The following MZT2A variants were observed in gnomAD, a reference collection of about 807,000 sequenced individuals.
MZT2A encodes mitotic-spindle organizing protein 2A.
Under a neutral mutation model 12.4 loss-of-function variants are expected in MZT2A, and 8 were observed. That is an observed-to-expected ratio of 0.64 (90% CI 0.38 to 1.16). The LOEUF (loss-of-function observed/expected upper bound fraction) is 1.16, where lower values mean the gene tolerates loss of function less well. Among genes scored for constraint, MZT2A ranks in the 50% most tolerant of loss-of-function variants. MZT2A has a pLI of 0.01. For missense variants in MZT2A, 181 were observed against 223.6 expected (o/e 0.81, Z 1.22); for synonymous variants, 88 against 107.5 (o/e 0.82, Z 1.12).
downstream of MZT2A, among the ~76,000 whole-genome samples, chr2:131,482,131 C>G (rs1267568772): frequency 6.6e-6 from 1 of 152,148 alleles, no homozygotes; most frequent in Non-Finnish European, 1.5e-5. Context: ...TTCTGTGGGT[C>G]AGAAGTGGGT....
chr2:131,476,627 C>A (rs1442986126), intron 2 of MZT2A, among the ~76,000 whole-genome samples: 1 of 152,164 alleles, frequency 6.6e-6, no homozygotes, highest in Non-Finnish European at 1.5e-5. Context: ...GCAACATTGC[C>A]TTGTTCACCT....
Position 131,490,843 on chromosome 2 carries a change from C to G in MZT2A, c.319+1033G>C, listed in dbSNP as rs796798805. 103 of 1,549,862 alleles carry G rather than the reference C, an allele frequency of 6.6e-5. 1 individual carries two copies. The highest frequency in any genetic ancestry group is 2.2e-4 in the East Asian group (9 of 40,890). On this transcript the variant is annotated intron_variant, in intron 2 of 2. Coordinates refer to ENST00000309451, the MANE Select transcript of MZT2A (RefSeq NM_001085365.2). ...CCGCAGGCTGCGGGCTGGAGGAAAA[C>G]GAGGGCCTTGCAGGGGGGCTACTGT...
At chr2:131,479,170 C>T (rs922248173), downstream of MZT2A, 2 of 1,377,328 alleles carry the variant, frequency 1.5e-6, no homozygotes, top group African/African-American at 1.4e-5. Context: ...CTACCAGACA[C>T]TGCCACTGTT....
chr2:131,472,216 G>C, intron 2 of MZT2A: 1 of 1,278,050 alleles, frequency 7.8e-7, no homozygotes, highest in Non-Finnish European at 1.0e-6. Flanking sequence ...GAAATAATTT[G>C]TGTTACTTTC....
rs915216400 is a variant in MZT2A, at chr2:131,492,384, G to A, written c.-8C>T. Reference sequence around the variant, plus strand: ...TACGCCCTGCGCCGCCATCCGCGAGGCCCGCCGAAAGGTGCGCCCCGCCCC... The same window carrying A: ...TACGCCCTGCGCCGCCATCCGCGAGACCCGCCGAAAGGTGCGCCCCGCCCC... On this transcript the variant is annotated 5_prime_UTR_variant, in exon 1 of 3. Coordinates refer to ENST00000309451, the MANE Select transcript of MZT2A (RefSeq NM_001085365.2). 2 of 1,305,712 alleles carry A rather than the reference G, an allele frequency of 1.5e-6. No individual in the cohort carries two copies. Among genetic ancestry groups the A allele is most frequent in the Non-Finnish European group, 1.9e-6 (2 of 1,036,722 alleles). The allele number at this position is 1,305,712 out of a possible 1,614,324, so 80.9% of individuals were successfully genotyped here.
At chr2:131,483,710 G>A (rs1236343422), downstream of MZT2A, among the ~76,000 whole-genome samples, 3 of 149,730 alleles carry the variant, frequency 2.0e-5, no homozygotes, top group Admixed American at 6.6e-5. Context: ...GCAAGACTCC[G>A]TTTCAGAAAA....
At chr2:131,493,077 T>C, upstream of MZT2A, 1 of 1,494,320 alleles carries the variant, frequency 6.7e-7, no homozygotes, top group Non-Finnish European at 9.0e-7. Flanking sequence ...GATGACGACG[T>C]TTTGGCGCGG....
chr2:131,492,199 C>G lies in MZT2A; in HGVS notation c.170+8G>C, dbSNP rs548797551. 3 of 1,565,006 alleles carry G rather than the reference C, an allele frequency of 1.9e-6. No homozygotes were observed. Among genetic ancestry groups the G allele is most frequent in the Non-Finnish European group, 1.7e-6 (2 of 1,159,452 alleles). On this transcript the variant is annotated splice_region_variant and intron_variant, in intron 1 of 2. Coordinates refer to ENST00000309451, the MANE Select transcript of MZT2A (RefSeq NM_001085365.2). Reference sequence around the variant, plus strand: ...GGCGAGCATGCGGCCCCCACCCGCCCCGCTCACTTGAACACGTCGGGGTCG... The same window carrying G: ...GGCGAGCATGCGGCCCCCACCCGCCGCGCTCACTTGAACACGTCGGGGTCG...
downstream of MZT2A, among the ~76,000 whole-genome samples, chr2:131,482,021 G>A (rs1180003200): frequency 6.6e-6 from 1 of 152,202 alleles, no homozygotes; most frequent in Non-Finnish European, 1.5e-5. Context: ...TACTTAGGCA[G>A]GCACATGGAC....
At chr2:131,476,005 T>C in intron 2 of MZT2A, 2 of 1,016,520 alleles carry the variant, frequency 2.0e-6, no homozygotes, top group Admixed American at 5.0e-5. Context: ...AGTACACATG[T>C]TGAGCAATGG....
chr2:131,483,814 T>C (rs749331241), downstream of MZT2A: 49 of 818,582 alleles, frequency 6.0e-5, no homozygotes, highest in Non-Finnish European at 7.4e-5. Context: ...CCAGACACCT[T>C]TCCTCAGAAC....
chr2:131,492,977 G>T, upstream of MZT2A: 1 of 1,523,576 alleles, frequency 6.6e-7, no homozygotes, highest in Non-Finnish European at 8.9e-7. Context: ...GGCCTTCTTC[G>T]CTTTGCGCAC....
At chr2:131,480,451 C>T (rs756425464), downstream of MZT2A, 24 of 1,589,210 alleles carry the variant, frequency 1.5e-5, no homozygotes, top group Admixed American at 1.0e-4. Context: ...GTGGACTTGA[C>T]GGAATTCCAG....
downstream of MZT2A, chr2:131,479,953 T>C: frequency 7.2e-7 from 1 of 1,388,596 alleles, no homozygotes. Context: ...ATGTTTATTA[T>C]GGATGATTTG....
chr2:131,493,614 G>A (rs1264632722), upstream of MZT2A, among the ~76,000 whole-genome samples: 2 of 152,070 alleles, frequency 1.3e-5, no homozygotes, highest in Non-Finnish European at 2.9e-5. Flanking sequence ...GTCTTGGCAT[G>A]ACAGAATTTG....
chr2:131,493,660 G>A (rs1439543822), upstream of MZT2A, among the ~76,000 whole-genome samples: 2 of 150,688 alleles, frequency 1.3e-5, no homozygotes, highest in Non-Finnish European at 2.9e-5. Flanking sequence ...GGCTGTCGCT[G>A]TCAGAAAAAC....
downstream of MZT2A, chr2:131,482,637 C>G: frequency 6.2e-7 from 1 of 1,614,216 alleles, no homozygotes; most frequent in South Asian, 1.1e-5. Flanking sequence ...CTGAGCAACA[C>G]CACGGCCATT....
At chr2:131,484,391 G>C (rs1290641172) in intron 2 of MZT2A, among the ~76,000 whole-genome samples, 173 bp from the exon 3 acceptor site, 1 of 152,244 alleles carries the variant, frequency 6.6e-6, no homozygotes. Flanking sequence ...CTAAAGACAG[G>C]TCACGCCCCA....
chr2:131,477,794 G>T (rs1039529365), intron 2 of MZT2A, among the ~76,000 whole-genome samples: 2 of 151,914 alleles, frequency 1.3e-5, no homozygotes, highest in African/African-American at 4.8e-5. Context: ...TACCCAACCC[G>T]ACTACCTTAT....
Sources: allele counts gnomAD v4.1 joint callset (sites outside exome capture counted in the v4.1 genomes callset), GRCh38; gene constraint gnomAD v4.1.1; transcripts MANE v1.5; gene names NCBI Gene and HGNC (gene_info 2026-07-23, HGNC 2026-07-21).